DLGAP1: variants seen among roughly 807,000 people sequenced by gnomAD.
DLGAP1 encodes the protein DLG associated protein 1, also known as disks large-associated protein 1.
Under a neutral mutation model 90.8 loss-of-function variants are expected in DLGAP1, and 11 were observed. The observed-to-expected ratio is 0.12, with a 90% CI of 0.08 to 0.20. The LOEUF is 0.20. DLGAP1 is among the 10% of genes least tolerant of loss of function. The pLI is 1.00. For synonymous variants in DLGAP1, 558 were observed against 540.7 expected (o/e 1.03, Z -0.44); for missense variants, 1,050 against 1,333.8 (o/e 0.79, Z 3.31).
chr18:3,509,731 C>T (rs1225351680), intron 10 of DLGAP1, among the ~76,000 whole-genome samples: 1 of 152,190 alleles, frequency 6.6e-6, no homozygotes, highest in Non-Finnish European at 1.5e-5. Flanking sequence ...ACCTCATTCC[C>T]CACACATTCT....
At chr18:3,830,370 C>T (rs1227926455) in intron 4 of DLGAP1, among the ~76,000 whole-genome samples, 1 of 152,098 alleles carries the variant, frequency 6.6e-6, no homozygotes, top group African/African-American at 2.4e-5. Flanking sequence ...TCAAGACCAG[C>T]CTGGCTAACA....
At chr18:3,883,291 C>T (rs951143028) in intron 3 of DLGAP1, among the ~76,000 whole-genome samples, 3 of 152,150 alleles carry the variant, frequency 2.0e-5, no homozygotes, top group African/African-American at 7.2e-5. Context: ...ATAAAACACC[C>T]ACACTGGACC....
At chr18:4,445,454 C>T (rs111924824) in intron 1 of DLGAP1, among the ~76,000 whole-genome samples, 1 of 120,384 alleles carries the variant, frequency 8.3e-6, no homozygotes, top group Non-Finnish European at 1.7e-5. Flanking sequence ...CCCCTCCCCC[C>T]ACCCCACCAC....
intron 2 of DLGAP1, among the ~76,000 whole-genome samples, chr18:4,117,380 AATAC>A (rs1288588481): frequency 2.6e-5 from 4 of 152,220 alleles, no homozygotes; most frequent in Non-Finnish European, 5.9e-5. Flanking sequence ...ACTTTTGCAT[AATAC>A]ATTGTAGCAA....
chr18:4,083,808 T>G (rs764523752), intron 2 of DLGAP1, among the ~76,000 whole-genome samples: 3 of 152,082 alleles, frequency 2.0e-5, no homozygotes, highest in Non-Finnish European at 4.4e-5. Context: ...GGGTTGAGTG[T>G]TGACAGCTCC....
At chr18:4,088,191 G>T (rs1388430572) in intron 2 of DLGAP1, among the ~76,000 whole-genome samples, 10 of 151,436 alleles carry the variant, frequency 6.6e-5, no homozygotes, top group African/African-American at 2.4e-4. Context: ...ATCATTATTT[G>T]TAGTTTATCC....
chr18:4,396,027 T>C (rs1284718817), intron 1 of DLGAP1, among the ~76,000 whole-genome samples: 1 of 152,198 alleles, frequency 6.6e-6, no homozygotes, highest in Non-Finnish European at 1.5e-5. Context: ...GAGCATCCAC[T>C]AACAGATATT....
intron 1 of DLGAP1, among the ~76,000 whole-genome samples, chr18:4,160,302 A>C (rs1483096507): frequency 6.6e-6 from 1 of 152,116 alleles, no homozygotes; most frequent in African/African-American, 2.4e-5. Flanking sequence ...CTGAGAGTAA[A>C]ATTCACTAGA....
At chr18:3,741,067 C>T (rs1484869707) in intron 6 of DLGAP1, among the ~76,000 whole-genome samples, 13 of 108,620 alleles carry the variant, frequency 1.2e-4, no homozygotes, top group South Asian at 3.2e-4. Context: ...ATCACCACCA[C>T]CACCACCACC....
At chr18:4,228,014 G>A (rs139502954) in intron 1 of DLGAP1, among the ~76,000 whole-genome samples, 1 of 151,540 alleles carries the variant, frequency 6.6e-6, no homozygotes, top group East Asian at 1.9e-4. Context: ...AATGGAAAAG[G>A]AGACTTTCAA....
At position 4,164,309 on chromosome 18, in the gene DLGAP1, C is replaced by T. The variant is rs886398372; in HGVS notation, c.-266-13022G>A. Among the ~76,000 whole-genome samples the T allele has an allele frequency of 1.6e-4, 24 of 152,132 alleles. 1 individual carries two copies. Among genetic ancestry groups the T allele is most frequent in the African/African-American group, 5.8e-4 (24 of 41,420 alleles). ...TGAATGAGAAAGGACAATCAACTGA[C>T]ACCAATATTGAGATGAACCAGATGG... On this transcript the variant is annotated intron_variant, in intron 1 of 12. Transcript: ENST00000315677.
chr18:3,717,576 G>A (rs2061808332), intron 7 of DLGAP1, among the ~76,000 whole-genome samples: 1 of 152,184 alleles, frequency 6.6e-6, no homozygotes. Flanking sequence ...GGTTTGGGGT[G>A]ACATGTGACC....
intron 1 of DLGAP1, among the ~76,000 whole-genome samples, chr18:4,428,126 C>A (rs952014570): frequency 2.6e-5 from 4 of 152,128 alleles, no homozygotes; most frequent in African/African-American, 7.2e-5. Flanking sequence ...AATCTGGGTC[C>A]CCCCCTCAAA....
chr18:3,639,527 C>A (rs2058848339), intron 7 of DLGAP1, among the ~76,000 whole-genome samples: 1 of 152,036 alleles, frequency 6.6e-6, no homozygotes, highest in Non-Finnish European at 1.5e-5. Flanking sequence ...TTGGCGGTCA[C>A]GGGGCTAGAA....
chr18:4,238,422 AT>A (rs2078463130), intron 1 of DLGAP1, among the ~76,000 whole-genome samples: 2 of 152,228 alleles, frequency 1.3e-5, no homozygotes, highest in Non-Finnish European at 2.9e-5. Context: ...ATTTAAGTCA[AT>A]TTGACAACTT....
intron 5 of DLGAP1, among the ~76,000 whole-genome samples, chr18:3,812,117 T>C (rs995710796): frequency 2.0e-5 from 3 of 152,152 alleles, no homozygotes; most frequent in African/African-American, 4.8e-5. Flanking sequence ...TTCTTGCCCA[T>C]TGCAATCCTT....
At chr18:3,843,452 C>T (rs1025569751) in intron 4 of DLGAP1, among the ~76,000 whole-genome samples, 2 of 152,230 alleles carry the variant, frequency 1.3e-5, no homozygotes, top group South Asian at 2.1e-4. Context: ...GACAACATTG[C>T]GGTGGTTACA....
chr18:4,280,683 G>A lies in DLGAP1; in HGVS notation c.-266-129396C>T, dbSNP rs188092182. 2.9e-3 allele frequency: 441 copies of A among 152,272 alleles called. 4 individuals carry two copies. Among genetic ancestry groups the A allele is most frequent in the African/African-American group, 0.01 (416 of 41,556 alleles). The allele number at this position is 152,272 out of a possible 1,614,324, so 9.4% of individuals were successfully genotyped here. On this transcript the variant is annotated intron_variant, in intron 1 of 12. Coordinates refer to ENST00000315677, the MANE Select transcript of DLGAP1 (RefSeq NM_004746.4). Reference sequence around the variant, plus strand: ...TTCTACAGTCTGATAAAAACAATATGATTTTTACCATTTGCAGTGATGATT... The same window carrying A: ...TTCTACAGTCTGATAAAAACAATATAATTTTTACCATTTGCAGTGATGATT...
chr18:4,030,835 T>C (rs985646192), intron 2 of DLGAP1, among the ~76,000 whole-genome samples: 2 of 152,090 alleles, frequency 1.3e-5, no homozygotes, highest in South Asian at 2.1e-4. Flanking sequence ...GGTGGGAGGA[T>C]TGCTTGAGCC....
Sources: allele counts gnomAD v4.1 joint callset (sites outside exome capture counted in the v4.1 genomes callset), GRCh38; gene constraint gnomAD v4.1.1; transcripts MANE v1.5; gene names NCBI Gene and HGNC (gene_info 2026-07-23, HGNC 2026-07-21).